Variants in ZNF785 observed in about 807,000 individuals in gnomAD.
The protein encoded by ZNF785 is zinc finger protein 785.
In ZNF785, 15 loss-of-function variants were observed where a neutral mutation model predicts 11.3. The ratio of observed to expected loss-of-function variants is 1.32; its 90% confidence interval spans 0.89 to 2.04. The LOEUF is 2.04. ZNF785 is among the 30% of genes most tolerant of loss of function. ZNF785 has a pLI of 0.00. For missense variants in ZNF785, 572 were observed against 560.9 expected, an observed-to-expected ratio of 1.02 and a Z score of -0.20; for synonymous variants, 221 against 231.0, an observed-to-expected ratio of 0.96 and a Z score of 0.39.
At position 30,582,515 on chromosome 16, in the gene ZNF785, C is replaced by A; in HGVS notation, c.*45G>T. On this transcript the variant is annotated 3_prime_UTR_variant, in exon 3 of 3. Transcript: ENST00000395216. The stretch of plus-strand genomic sequence containing the variant: ...TTATCCCCCAAATACACAAACCTTG[C>A]CTCTTCCTCTCCAGGGAAACGCTGA... The A allele has an allele frequency of 6.2e-7, 1 of 1,604,780 alleles. No homozygotes were observed. The highest frequency in any genetic ancestry group is 8.5e-7 in the Non-Finnish European group (1 of 1,174,448).
downstream of ZNF785, among the ~76,000 whole-genome samples, chr16:30,580,347 C>T (rs1488425053): frequency 6.9e-6 from 1 of 145,114 alleles, no homozygotes; most frequent in Non-Finnish European, 1.5e-5. Flanking sequence ...GCCACCAGGC[C>T]TGGCTAATTT....
In ZNF785 at chr16:30,583,224, G is replaced by C. The variant is rs1395545880; in HGVS notation, c.554C>G (p.Ser185Cys). 1 of 1,613,908 alleles carries C rather than the reference G, an allele frequency of 6.2e-7. No individual in the cohort carries two copies. The highest frequency in any genetic ancestry group is 8.5e-7 in the Non-Finnish European group (1 of 1,179,936). ...PDCGRNFSYP[S>C]LLASHQRVHS... The stretch of plus-strand genomic sequence containing the variant: ...GACCCGCTGGTGGCTGGCCAGGAGG[G>C]AAGGGTAGCTGAAGTTGCGGCCACA... Residue 185 changes from serine to cysteine, a missense_variant, in exon 3 of 3, where the codon TCC becomes TGC. Physicochemically the swap from Ser to Cys is moderately radical, Grantham distance 112 (BLOSUM62 -1). Coordinates refer to ENST00000395216, the MANE Select transcript of ZNF785 (RefSeq NM_152458.7).
In ZNF785 at chr16:30,585,540, G is replaced by A. The variant is rs1596577087; in HGVS notation, c.72C>T (p.Ser24=). The part of the protein sequence containing the change: ...GEAGPRRTRE[S]RPGAVSFADV... ...CCGCGAAGCTCACGGCGCCCGGCCT[G>A]CTTTCCCTCGTCCTCCGGGGCCCGG... is the stretch of plus-strand genomic sequence containing the variant. Residue 24 remains serine (S), a synonymous_variant, in exon 1 of 3, where the codon AGC becomes AGT. Coordinates refer to ENST00000395216, the MANE Select transcript of ZNF785 (RefSeq NM_152458.7). The surrounding 1 kb of genome is among the most constrained non-coding windows in gnomAD (Gnocchi z 4.0). 2 of 1,575,506 alleles carry A rather than the reference G, an allele frequency of 1.3e-6. No individual in the cohort carries two copies. Among genetic ancestry groups the A allele is most frequent in the Non-Finnish European group, 1.7e-6 (2 of 1,162,448 alleles).
Position 30,585,456 on chromosome 16 carries a change from G to A in ZNF785, c.156C>T (p.Ala52=), listed in dbSNP as rs977245092. ...EWECLRPAQR[A]LYRDVMRETF... is the part of the protein sequence containing the mutation. ...TCTCCCGCATCACGTCCCGGTACAG[G>A]GCCCTCTGCGCTGGCCGCAGGCATT... The change falls in exon 1 of 3, where the codon GCC becomes GCT. Residue 52 remains alanine (A), a synonymous_variant. Coordinates refer to ENST00000395216, the MANE Select transcript of ZNF785 (RefSeq NM_152458.7). The surrounding 1 kb of genome is among the most constrained non-coding windows in gnomAD (Gnocchi z 4.0). 72 of 1,602,984 alleles carry A rather than the reference G, an allele frequency of 4.5e-5. No homozygotes were observed. Among genetic ancestry groups the A allele is most frequent in the Non-Finnish European group, 5.3e-5 (62 of 1,175,532 alleles).
Position 30,583,050 on chromosome 16 carries a change from A to C in ZNF785, c.728T>G (p.Leu243Arg). Residue 243 changes from leucine (L) to arginine (R), a missense_variant, in exon 3 of 3, where the codon CTG becomes CGG. Coordinates refer to ENST00000395216, the MANE Select transcript of ZNF785 (RefSeq NM_152458.7). ...GGTGTGAGCCCGCCTGTGGATAGCC[A>C]GGGAACCCCTCTGGCGGAAGCGGCG... Reference protein sequence around the residue: ...CGRRFRQRGSLAIHRRAHTGE... With the variant: ...CGRRFRQRGSRAIHRRAHTGE... The C allele has an allele frequency of 6.2e-7, 1 of 1,613,970 alleles. No homozygotes were observed. The highest frequency in any genetic ancestry group is 8.5e-7 in the Non-Finnish European group (1 of 1,179,974).
At chr16:30,583,620 T>A in intron 2 of ZNF785, 177 bp from the exon 3 acceptor site, 1 of 731,896 alleles carries the variant, frequency 1.4e-6, no homozygotes, top group Admixed American at 3.4e-5. Flanking sequence ...CATGAAGCCC[T>A]GAAAGCCAGC....
At position 30,585,587 on chromosome 16, in the gene ZNF785, G is replaced by A; in HGVS notation, c.25C>T (p.Pro9Ser). 1 of 1,518,898 alleles carries A rather than the reference G, an allele frequency of 6.6e-7. No individual in the cohort carries two copies. Among genetic ancestry groups the A allele is most frequent in the Non-Finnish European group, 8.8e-7 (1 of 1,138,628 alleles). The allele number at this position is 1,518,898 out of a possible 1,614,324, so 94.1% of individuals were successfully genotyped here. The stretch of plus-strand genomic sequence containing the variant: ...CCGGCCTCCCCGGGTACGTGGGCCG[G>A]GCGCGGCGCCAGGGGCGGCCCCATG... Reference protein sequence around the residue: MGPPLAPRPAHVPGEAGPR... With the variant: MGPPLAPRSAHVPGEAGPR... Residue 9 changes from proline to serine, a missense_variant, in exon 1 of 3, where the codon CCG (proline) becomes TCG (serine). By Grantham distance (74) the Pro-to-Ser change is moderately conservative. Coordinates refer to ENST00000395216, the MANE Select transcript of ZNF785 (RefSeq NM_152458.7). The surrounding 1 kb of genome is among the most constrained non-coding windows in gnomAD (Gnocchi z 4.0).
downstream of ZNF785, chr16:30,579,844 A>G (rs2051784190): frequency 6.6e-6 from 3 of 455,898 alleles, no homozygotes; most frequent in Non-Finnish European, 1.3e-5. Flanking sequence ...TAGGGCTAGC[A>G]GATCTAAATG....
intron 2 of ZNF785, among the ~76,000 whole-genome samples, chr16:30,584,537 C>T (rs1048429498): frequency 6.6e-6 from 1 of 152,110 alleles, no homozygotes; most frequent in African/African-American, 2.4e-5. Context: ...GTAATCCCAG[C>T]TACTCAGGAG....
chr16:30,582,687 G>A lies in ZNF785; in HGVS notation c.1091C>T (p.Ser364Phe). The change falls in exon 3 of 3, where the codon TCC (serine) becomes TTC (phenylalanine). Residue 364 changes from serine (S) to phenylalanine (F), a missense_variant. Ser to Phe is a radical substitution (Grantham distance 155). Coordinates refer to ENST00000395216, the MANE Select transcript of ZNF785 (RefSeq NM_152458.7). The stretch of plus-strand genomic sequence containing the variant: ...CTGCCACGCGCGCCTCTCGCTGCAG[G>A]AGCGGTGGATCCACCGATGGGCTTC... ...ALEAHRWIHR[S>F]CSERRAWQQA... 6.2e-7 allele frequency: 1 copy of A among 1,614,058 alleles called. No individual in the cohort carries two copies. The highest frequency in any genetic ancestry group is 1.3e-5 in the African/African-American group (1 of 75,074).
Position 30,585,394 on chromosome 16 carries a change from G to A in ZNF785, c.205+13C>T, listed in dbSNP as rs531080298. On this transcript the variant is annotated intron_variant, in intron 1 of 2. Coordinates refer to ENST00000395216, the MANE Select transcript of ZNF785 (RefSeq NM_152458.7). This position sits in a 1 kb window ranked among gnomAD's most constrained non-coding sequence, Gnocchi z 4.0. Reference sequence around the variant, plus strand: ...GACGGACTGGGGGTCCCGGCCGGAGGGCCCGGCCTCACCCAGCGCGCCCAG... The same window carrying A: ...GACGGACTGGGGGTCCCGGCCGGAGAGCCCGGCCTCACCCAGCGCGCCCAG... 5 of 1,580,016 alleles carry A rather than the reference G, an allele frequency of 3.2e-6. No individual in the cohort carries two copies. Among genetic ancestry groups the A allele is most frequent in the Middle Eastern group, 3.6e-4 (2 of 5,500 alleles).
chr16:30,579,516 T>C (rs994361137), downstream of ZNF785: 2 of 241,740 alleles, frequency 8.3e-6, no homozygotes, highest in African/African-American at 4.5e-5. Context: ...GCCTCCTGAG[T>C]AGCTGGGACT....
In ZNF785 at chr16:30,583,437, C is replaced by T. The variant is rs1195123545; in HGVS notation, c.341G>A (p.Arg114Lys). The T allele has an allele frequency of 1.3e-6, 2 of 1,534,066 alleles. No individual in the cohort carries two copies. The highest frequency in any genetic ancestry group is 8.8e-7 in the Non-Finnish European group (1 of 1,140,796). Residue 114 changes from arginine (R) to lysine (K), a missense_variant, in exon 3 of 3, where the codon AGG (arginine) becomes AAG (lysine). By Grantham distance (26) the Arg-to-Lys change is conservative. Transcript: ENST00000395216. ...SRGQGQEAGS[R>K]DGNEEKERLK... ...CCTTTCCTTCTCCTCATTCCCATCC[C>T]TGGATCCTGAAACAGGGAAGATGAT...
intron 2 of ZNF785, 99 bp from the exon 3 acceptor site, chr16:30,583,542 G>T: frequency 6.9e-7 from 1 of 1,459,088 alleles, no homozygotes; most frequent in Non-Finnish European, 9.2e-7. Flanking sequence ...ACCATGTCCT[G>T]CCTTGGAAGG....
Position 30,581,815 on chromosome 16 carries a change from C to G in ZNF785, c.*745G>C, listed in dbSNP as rs2051813855. On this transcript the variant is annotated 3_prime_UTR_variant, in exon 3 of 3. Coordinates refer to ENST00000395216, the MANE Select transcript of ZNF785 (RefSeq NM_152458.7). ...AAAAGGCAGAATCCTCGGCAGGGGT[C>G]GGTGGCTCACGCTTGTAATCCCAGC... 6.6e-6 allele frequency: 1 copy of G among 152,174 alleles called. No homozygotes were observed. The highest frequency in any genetic ancestry group is 1.5e-5 in the Non-Finnish European group (1 of 68,052). The allele number at this position is 152,174 out of a possible 1,614,324, so 9.4% of individuals were successfully genotyped here.
Position 30,585,099 on chromosome 16 carries a change from G to C in ZNF785, c.334+23C>G, listed in dbSNP as rs558109248. On this transcript the variant is annotated intron_variant, in intron 2 of 2. Transcript: ENST00000395216. This position sits in a 1 kb window ranked among gnomAD's most constrained non-coding sequence, Gnocchi z 4.0. The stretch of plus-strand genomic sequence containing the variant: ...GGGGCGGGGGTTGGGGCTTCTCCAC[G>C]GCTACTTATCCAAATGAAGTACCTG... The C allele has an allele frequency of 3.1e-6, 5 of 1,594,854 alleles. No homozygotes were observed. In the African/African-American group the frequency reaches 5.4e-5, roughly 17 times the overall value.
downstream of ZNF785, chr16:30,579,437 G>C (rs1017085571): frequency 2.1e-5 from 4 of 187,410 alleles, no homozygotes; most frequent in Non-Finnish European, 4.5e-5. Flanking sequence ...GCCCAGGCTG[G>C]AGTGCAATGG....
chr16:30,585,153 T>A lies in ZNF785; in HGVS notation c.303A>T (p.Ala101=). The A allele has an allele frequency of 6.2e-7, 1 of 1,613,952 alleles. No homozygotes were observed. Among genetic ancestry groups the A allele is most frequent in the Non-Finnish European group, 8.5e-7 (1 of 1,179,874 alleles). ...EAQDPDGESS[A]AFSRGQGQEA... The stretch of plus-strand genomic sequence containing the variant: ...CCTGTCCTTGGCCCCTGCTGAAAGC[T>A]GCAGAGCTCTCACCGTCGGGATCCT... Residue 101 remains alanine, a synonymous_variant, in exon 2 of 3, where the codon GCA becomes GCT. Transcript: ENST00000395216. This position sits in a 1 kb window ranked among gnomAD's most constrained non-coding sequence, Gnocchi z 4.0.
chr16:30,585,106 TA>T lies in ZNF785; in HGVS notation c.334+15del. On this transcript the variant is annotated intron_variant, in intron 2 of 2. Transcript: ENST00000395216. This position sits in a 1 kb window ranked among gnomAD's most constrained non-coding sequence, Gnocchi z 4.0. ...GGGTTGGGGCTTCTCCACGGCTACTTATCCAAATGAAGTACCTGCTTCCTGT... is the reference window on the plus strand; with the variant it reads ...GGGTTGGGGCTTCTCCACGGCTACTTTCCAAATGAAGTACCTGCTTCCTGT... 6.3e-7 allele frequency: 1 copy of T among 1,599,562 alleles called. No homozygotes were observed. The highest frequency in any genetic ancestry group is 1.3e-5 in the African/African-American group (1 of 74,566).
Sources: allele counts gnomAD v4.1 joint callset (sites outside exome capture counted in the v4.1 genomes callset), GRCh38; gene constraint gnomAD v4.1.1; non-coding constraint Gnocchi (gnomAD v3.1); transcripts MANE v1.5; gene names NCBI Gene and HGNC (gene_info 2026-07-23, HGNC 2026-07-21).